Variants in CADPS observed in about 807,000 individuals in gnomAD.
The protein encoded by CADPS is calcium-dependent secretion activator 1.
A neutral mutation model predicts 167.3 loss-of-function variants in CADPS; 57 were observed. The ratio of observed to expected loss-of-function variants is 0.34; its 90% CI spans 0.28 to 0.42. The LOEUF is 0.42. Ranked by LOEUF, CADPS falls within the 20% of genes least tolerant of loss-of-function variation. CADPS has a pLI of 1.00. For missense variants in CADPS, 1,414 were observed against 1,738.1 expected, an observed-to-expected ratio of 0.81 and a Z score of 3.32; for synonymous variants, 676 against 635.3, an observed-to-expected ratio of 1.06 and a Z score of -0.96.
intron 3 of CADPS, among the ~76,000 whole-genome samples, chr3:62,679,460 C>T (rs1653832223): frequency 6.6e-6 from 1 of 151,868 alleles, no homozygotes; most frequent in African/African-American, 2.4e-5. Context: ...GAGATGGGAG[C>T]TTATGTGTGG....
At chr3:62,551,722 C>T (rs537192005) in intron 10 of CADPS, among the ~76,000 whole-genome samples, 1 of 152,290 alleles carries the variant, frequency 6.6e-6, no homozygotes, top group South Asian at 2.1e-4. Context: ...GCCACACTGG[C>T]CTCTTGCTCT....
intron 1 of CADPS, among the ~76,000 whole-genome samples, chr3:62,862,060 TA>T (rs531235314): frequency 5.9e-4 from 86 of 144,716 alleles, no homozygotes; most frequent in Admixed American, 6.9e-4. Context: ...TCCAAGGCGC[TA>T]AAAAAAAAAA....
At chr3:62,595,734 A>C (rs1318577129) in intron 6 of CADPS, among the ~76,000 whole-genome samples, 2 of 152,230 alleles carry the variant, frequency 1.3e-5, no homozygotes, top group African/African-American at 4.8e-5. Flanking sequence ...TGAAGGATAC[A>C]AAGTACTAAT....
intron 3 of CADPS, among the ~76,000 whole-genome samples, chr3:62,662,894 C>T (rs1340223102): frequency 6.6e-6 from 1 of 152,088 alleles, no homozygotes; most frequent in Admixed American, 6.6e-5. Flanking sequence ...CTGTACCAGC[C>T]CTCCAGATGG....
At chr3:62,671,515 C>T (rs1482068258) in intron 3 of CADPS, among the ~76,000 whole-genome samples, 4 of 152,062 alleles carry the variant, frequency 2.6e-5, no homozygotes, top group African/African-American at 9.7e-5. Context: ...TGTGCAGTCA[C>T]CTCCTAAATA....
intron 3 of CADPS, among the ~76,000 whole-genome samples, chr3:62,684,506 C>T (rs2077649415): frequency 6.6e-6 from 1 of 152,054 alleles, no homozygotes; most frequent in Non-Finnish European, 1.5e-5. Context: ...TGGATGTACT[C>T]ACTGTTACTG....
At chr3:62,510,686 C>T (rs2067611947) in intron 17 of CADPS, among the ~76,000 whole-genome samples, 1 of 152,110 alleles carries the variant, frequency 6.6e-6, no homozygotes, top group Admixed American at 6.6e-5. Context: ...GACTCAGCAG[C>T]TGTCCATATT....
intron 1 of CADPS, among the ~76,000 whole-genome samples, chr3:62,777,516 G>A (rs2090588902): frequency 6.6e-6 from 1 of 152,098 alleles, no homozygotes; most frequent in East Asian, 1.9e-4. Context: ...AAAAACACAA[G>A]TGCACACCCT....
intron 3 of CADPS, among the ~76,000 whole-genome samples, chr3:62,684,331 A>G (rs187970847): frequency 6.6e-6 from 1 of 152,142 alleles, no homozygotes; most frequent in East Asian, 1.9e-4. Context: ...ACATATGTCC[A>G]TCATTTGGGG....
chr3:62,491,489 G>T lies in CADPS; in HGVS notation c.2885-9C>A. The T allele has an allele frequency of 6.2e-7, 1 of 1,611,994 alleles. No individual in the cohort carries two copies. The highest frequency in any genetic ancestry group is 8.5e-7 in the Non-Finnish European group (1 of 1,179,248). On this transcript the variant is annotated splice_polypyrimidine_tract_variant and intron_variant, in intron 20 of 29. Transcript: ENST00000383710. ...TCCATTGCACAAATTATCTAGAACA[G>T]ATAAGCAAAAGCTTGTTAAGAACCC... is the stretch of plus-strand genomic sequence containing the variant.
intron 1 of CADPS, among the ~76,000 whole-genome samples, chr3:62,845,954 G>A (rs1484663313): frequency 6.6e-6 from 1 of 152,116 alleles, no homozygotes; most frequent in African/African-American, 2.4e-5. Flanking sequence ...CCTAGTGGGA[G>A]GTGATTGGTT....
chr3:62,834,351 C>T (rs2075591405), intron 1 of CADPS, among the ~76,000 whole-genome samples: 1 of 152,120 alleles, frequency 6.6e-6, no homozygotes, highest in South Asian at 2.1e-4. Context: ...CCTTCATTTC[C>T]AACTAGATGG....
chr3:62,473,923 A>G (rs1050622013), intron 24 of CADPS: 5 of 373,188 alleles, frequency 1.3e-5, no homozygotes, highest in African/African-American at 8.4e-5. Flanking sequence ...CATTTAGCTT[A>G]GAGAACTATA....
At chr3:62,536,270 C>T (rs2074669945) in intron 12 of CADPS, 175 bp downstream of exon 12, 1 of 566,660 alleles carries the variant, frequency 1.8e-6, no homozygotes, top group Admixed American at 3.1e-5. Context: ...TCCTCCCGCT[C>T]AGTCTTGTTT....
intron 13 of CADPS, among the ~76,000 whole-genome samples, chr3:62,532,509 C>G (rs1311848893): frequency 6.6e-6 from 1 of 152,154 alleles, no homozygotes; most frequent in Admixed American, 6.5e-5. Context: ...TACTTGCATT[C>G]TCTCAACAAC....
At position 62,550,097 on chromosome 3, in the gene CADPS, G is replaced by A. The variant is rs1279123677; in HGVS notation, c.1772C>T (p.Ala591Val). 3.1e-6 allele frequency: 5 copies of A among 1,613,846 alleles called. No individual in the cohort carries two copies. Among genetic ancestry groups the A allele is most frequent in the Non-Finnish European group, 4.2e-6 (5 of 1,179,890 alleles). The change falls in exon 11 of 30, where the codon GCC becomes GTC. Residue 591 changes from alanine to valine, a missense_variant. By Grantham distance (64) the Ala-to-Val change is moderately conservative. Transcript: ENST00000383710. ...DPQPGLEGGRAFFNAVKEGDT... is the reference protein window; with the variant it reads ...DPQPGLEGGRVFFNAVKEGDT... The stretch of plus-strand genomic sequence containing the variant: ...TCCCTCCTTGACAGCATTGAAGAAG[G>A]CTCGGCCACCCTCCAAACCTGGAAG...
In CADPS at chr3:62,592,622, A is replaced by G; in HGVS notation, c.1437+15T>C. Reference sequence around the variant, plus strand: ...TCCTCTCTGTGGAGTTCCCCTTGTGATAAGAAGTGCTTACCCGCCCAAGCT... The same window carrying G: ...TCCTCTCTGTGGAGTTCCCCTTGTGGTAAGAAGTGCTTACCCGCCCAAGCT... On this transcript the variant is annotated intron_variant, in intron 7 of 29. Coordinates refer to ENST00000383710, the MANE Select transcript of CADPS (RefSeq NM_003716.4). 1 of 1,599,488 alleles carries G rather than the reference A, an allele frequency of 6.3e-7. No individual in the cohort carries two copies. The highest frequency in any genetic ancestry group is 8.6e-7 in the Non-Finnish European group (1 of 1,166,940).
intron 3 of CADPS, among the ~76,000 whole-genome samples, chr3:62,667,726 C>T (rs1033178530): frequency 2.0e-5 from 3 of 151,998 alleles, no homozygotes; most frequent in African/African-American, 7.3e-5. Context: ...GGAACACATT[C>T]TGGGATGTGC....
intron 1 of CADPS, among the ~76,000 whole-genome samples, chr3:62,869,842 C>A (rs753994185): frequency 6.6e-6 from 1 of 152,064 alleles, no homozygotes; most frequent in Non-Finnish European, 1.5e-5. Context: ...TTTATAGACA[C>A]CTGTCCCCAA....
Sources: allele counts gnomAD v4.1 joint callset (sites outside exome capture counted in the v4.1 genomes callset), GRCh38; gene constraint gnomAD v4.1.1; transcripts MANE v1.5; gene names NCBI Gene and HGNC (gene_info 2026-07-23, HGNC 2026-07-21).